The following HMGCLL1 variants were observed in gnomAD, a reference collection of about 807,000 sequenced individuals.
HMGCLL1 encodes the protein 3-hydroxy-3-methylglutaryl-CoA lyase like 1, also known as 3-hydroxymethyl-3-methylglutaryl-CoA lyase, cytoplasmic.
In HMGCLL1, 36 loss-of-function variants were observed where a neutral mutation model predicts 39.1. The ratio of observed to expected loss-of-function variants is 0.92; its 90% CI spans 0.71 to 1.22. The LOEUF (loss-of-function observed/expected upper bound fraction) is 1.22, where lower values mean the gene tolerates loss of function less well. Among genes scored for constraint, HMGCLL1 ranks in the 50% most tolerant of loss-of-function variants. The pLI is 0.00. For synonymous variants in HMGCLL1, 149 were observed against 144.0 expected, an observed-to-expected ratio of 1.03 and a Z score of -0.25; for missense variants, 451 against 416.5, an observed-to-expected ratio of 1.08 and a Z score of -0.72.
At chr6:55,568,095 G>T (rs1771300854) in intron 1 of HMGCLL1, among the ~76,000 whole-genome samples, 2 of 152,092 alleles carry the variant, frequency 1.3e-5, no homozygotes, top group South Asian at 4.2e-4. Flanking sequence ...TTTATGGTCT[G>T]GTTTTGGAAT....
chr6:55,563,819 C>G (rs1465707671), intron 1 of HMGCLL1: 2 of 1,213,000 alleles, frequency 1.6e-6, no homozygotes, highest in Admixed American at 2.3e-5. Flanking sequence ...CTATTCTCAC[C>G]TTTAGTAAAA....
chr6:55,515,488 T>G (rs1459311653), intron 4 of HMGCLL1, among the ~76,000 whole-genome samples: 3 of 152,156 alleles, frequency 2.0e-5, no homozygotes, highest in Non-Finnish European at 2.9e-5. Context: ...TATGCCAATT[T>G]TACAGATGAA....
chr6:55,644,618 A>G, the HMGCLL1 span, among the ~76,000 whole-genome samples: 2 of 151,954 alleles, frequency 1.3e-5, no homozygotes, highest in Non-Finnish European at 2.9e-5. Flanking sequence ...CTGCTCATCG[A>G]TATCCAGTTT....
chr6:55,508,529 T>C (rs1269587397), intron 5 of HMGCLL1, among the ~76,000 whole-genome samples: 1 of 151,784 alleles, frequency 6.6e-6, no homozygotes, highest in Non-Finnish European at 1.5e-5. Flanking sequence ...ATAGTGTTTC[T>C]AAATAAAAGT....
At chr6:55,584,665 TG>T in the HMGCLL1 span, among the ~76,000 whole-genome samples, 4 of 152,056 alleles carry the variant, frequency 2.6e-5, no homozygotes, top group Non-Finnish European at 5.9e-5. Context: ...TAAAACAGGT[TG>T]CTATCTTGTG....
chr6:55,601,864 T>C, the HMGCLL1 span, among the ~76,000 whole-genome samples: 18 of 152,248 alleles, frequency 1.2e-4, no homozygotes, highest in East Asian at 3.5e-3. Context: ...ACATAAGTAA[T>C]ATGATTTGAG....
chr6:55,556,635 AGG>A (rs1260398065), intron 1 of HMGCLL1, among the ~76,000 whole-genome samples: 3 of 152,138 alleles, frequency 2.0e-5, no homozygotes, highest in Admixed American at 6.6e-5. Context: ...ATATGATCTG[AGG>A]TACATTGGAC....
chr6:55,628,056 A>AT, the HMGCLL1 span, among the ~76,000 whole-genome samples: 1 of 460 alleles, frequency 2.2e-3, no homozygotes, highest in African/African-American at 0.013. Context: ...TATATAGTAT[A>AT]ATATATATAG....
chr6:55,435,618 G>T lies in HMGCLL1; in HGVS notation c.*44C>A. 1 of 1,095,444 alleles carries T rather than the reference G, an allele frequency of 9.1e-7. No homozygotes were observed. The highest frequency in any genetic ancestry group is 1.4e-6 in the Non-Finnish European group (1 of 738,970). 67.9% of individuals were successfully genotyped at this position (1,095,444 alleles called of 1,614,324 possible). ...TAATGATTTTCAGATGAGTATTGTA[G>T]CTGAAATTGATCTTCTCAACGGTAC... On this transcript the variant is annotated 3_prime_UTR_variant, in exon 9 of 9. Coordinates refer to ENST00000274901, the MANE Select transcript of HMGCLL1 (RefSeq NM_001042406.2).
At chr6:55,550,944 T>C (rs1436236391) in intron 1 of HMGCLL1, among the ~76,000 whole-genome samples, 2 of 151,394 alleles carry the variant, frequency 1.3e-5, no homozygotes, top group Non-Finnish European at 2.9e-5. Context: ...ACAATAAAAA[T>C]TAATGAAGGC....
the HMGCLL1 span, among the ~76,000 whole-genome samples, chr6:55,648,043 G>A: frequency 7.7e-6 from 1 of 130,156 alleles, no homozygotes; most frequent in East Asian, 2.2e-4. Context: ...TCTTGCGATA[G>A]TTTACTGAGA....
At chr6:55,592,326 A>G in the HMGCLL1 span, among the ~76,000 whole-genome samples, 4 of 152,060 alleles carry the variant, frequency 2.6e-5, no homozygotes, top group Non-Finnish European at 2.9e-5. Flanking sequence ...TTATAAGTTC[A>G]TGAAGATATC....
At chr6:55,476,429 C>A (rs1282531522) in intron 7 of HMGCLL1, among the ~76,000 whole-genome samples, 1 of 151,494 alleles carries the variant, frequency 6.6e-6, no homozygotes, top group Non-Finnish European at 1.5e-5. Context: ...TACAATCTTC[C>A]TAAATTTATG....
chr6:55,445,277 T>C (rs1043883127), intron 7 of HMGCLL1, among the ~76,000 whole-genome samples: 1 of 152,032 alleles, frequency 6.6e-6, no homozygotes, highest in Non-Finnish European at 1.5e-5. Context: ...ATGCTCGTTT[T>C]TCTAAACGAG....
At chr6:55,539,996 G>A in intron 3 of HMGCLL1, among the ~76,000 whole-genome samples, 1 of 7,558 alleles carries the variant, frequency 1.3e-4, no homozygotes, top group Non-Finnish European at 3.1e-4. Context: ...AAGGAAGGAA[G>A]GGAGGGAGGG....
At chr6:55,539,567 G>A (rs1020635804) in intron 3 of HMGCLL1, among the ~76,000 whole-genome samples, 2 of 151,624 alleles carry the variant, frequency 1.3e-5, no homozygotes, top group South Asian at 2.1e-4. Flanking sequence ...GGCCATTATC[G>A]AACATATTAT....
intron 5 of HMGCLL1, among the ~76,000 whole-genome samples, chr6:55,505,475 T>C (rs1265671362): frequency 6.6e-6 from 1 of 151,646 alleles, no homozygotes; most frequent in Non-Finnish European, 1.5e-5. Context: ...CCATTATTAT[T>C]AAGTGAATGA....
chr6:55,544,312 G>T (rs1023549621), intron 1 of HMGCLL1, among the ~76,000 whole-genome samples: 6 of 151,992 alleles, frequency 3.9e-5, no homozygotes. Flanking sequence ...GGGGGAAAAC[G>T]AAACAGCCTT....
At chr6:55,453,415 G>A (rs188421730) in intron 7 of HMGCLL1, among the ~76,000 whole-genome samples, 61 of 152,152 alleles carry the variant, frequency 4.0e-4, no homozygotes, top group South Asian at 3.7e-3. Flanking sequence ...TCCTGACCTC[G>A]GCCTCCCAAA....
Sources: gnomAD v4.1 joint callset for allele counts (sites outside exome capture counted in the v4.1 genomes callset) on GRCh38, gnomAD v4.1.1 for gene constraint, MANE v1.5 for transcripts, NCBI Gene and HGNC (gene_info 2026-07-23, HGNC 2026-07-21) for gene names.